TJP1: variants seen among roughly 807,000 people sequenced by gnomAD.
TJP1 encodes the protein tight junction protein 1, also known as tight junction protein ZO-1.
A neutral mutation model predicts 194.2 loss-of-function variants in TJP1; 43 were observed. The ratio of observed to expected loss-of-function variants is 0.22; its 90% CI spans 0.17 to 0.29. The LOEUF is 0.29. Among genes scored for constraint, TJP1 ranks in the 10% least tolerant of loss-of-function variants. The probability of loss-of-function intolerance (pLI) is 1.00; values close to 1 mark genes in which losing one functional copy is unlikely to be tolerated. For missense variants in TJP1, 1,971 were observed against 2,185.7 expected (o/e 0.90, Z 1.96); for synonymous variants, 801 against 779.0 (o/e 1.03, Z -0.47).
intron 16 of TJP1, among the ~76,000 whole-genome samples, chr15:29,727,494 C>T (rs1164245262): frequency 1.3e-5 from 2 of 152,214 alleles, no homozygotes; most frequent in Non-Finnish European, 2.9e-5. Context: ...TGTAAGTTAA[C>T]TCAATTCCAT....
intron 2 of TJP1, among the ~76,000 whole-genome samples, chr15:29,792,580 T>G (rs1424331861): frequency 6.6e-6 from 1 of 152,258 alleles, no homozygotes; most frequent in Non-Finnish European, 1.5e-5. Flanking sequence ...TCTGGGTCTT[T>G]GTGGTTCCAC....
chr15:29,718,755 A>G lies in TJP1; in HGVS notation c.3387T>C (p.Phe1129=), dbSNP rs762177027. 1.9e-6 allele frequency: 3 copies of G among 1,614,086 alleles called. No individual in the cohort carries two copies. The highest frequency in any genetic ancestry group is 2.2e-5 in the South Asian group (2 of 91,076). ...HPEESSERGY[F]PRFEEPAPLS... is the part of the protein sequence containing the mutation. ...GAGGGGCTGGCTCTTCAAAACGTGGAAAGTACCCTCGTTCTGAGGACTCTT... is the reference window on the plus strand; with the variant it reads ...GAGGGGCTGGCTCTTCAAAACGTGGGAAGTACCCTCGTTCTGAGGACTCTT... Residue 1129 remains phenylalanine (F), a synonymous_variant, in exon 21 of 28, where the codon TTT becomes TTC. Transcript: ENST00000614355.
intron 2 of TJP1, among the ~76,000 whole-genome samples, chr15:29,798,701 G>A (rs958477462): frequency 1.3e-5 from 2 of 152,146 alleles, no homozygotes; most frequent in Non-Finnish European, 2.9e-5. Context: ...AAAAAGTTAT[G>A]TTCATACAAA....
intron 10 of TJP1, among the ~76,000 whole-genome samples, chr15:29,740,018 C>T (rs369931820): frequency 6.0e-5 from 9 of 150,606 alleles, no homozygotes; most frequent in African/African-American, 1.7e-4. Flanking sequence ...GACGGAGTCT[C>T]GCTCTGTCAC....
chr15:29,904,506 G>A (rs903868518), intron 2 of TJP1, among the ~76,000 whole-genome samples: 1 of 150,802 alleles, frequency 6.6e-6, no homozygotes, highest in African/African-American at 2.4e-5. Context: ...CAGTAGTCAA[G>A]ATACATCATT....
intron 1 of TJP1, among the ~76,000 whole-genome samples, chr15:29,966,781 A>AT (rs2152327990): frequency 6.6e-6 from 1 of 152,320 alleles, no homozygotes; most frequent in South Asian, 2.1e-4. Flanking sequence ...TGTGTTAGTT[A>AT]TTGATAAGGG....
At chr15:29,719,350 G>A (rs555789333) in intron 20 of TJP1, among the ~76,000 whole-genome samples, 4 of 152,256 alleles carry the variant, frequency 2.6e-5, no homozygotes, top group African/African-American at 9.6e-5. Flanking sequence ...GTTTCAGCAT[G>A]TACTAAATAA....
At position 29,726,887 on chromosome 15, in the gene TJP1, T is replaced by A. The variant is rs1338605843; in HGVS notation, c.2205A>T (p.Gly735=). The change falls in exon 17 of 28, where the codon GGA becomes GGT. Residue 735 remains glycine (G), a synonymous_variant. Coordinates refer to ENST00000614355, the MANE Select transcript of TJP1 (RefSeq NM_001330239.4). The part of the protein sequence containing the change: ...VVFLNPDSKQ[G]VKTMRMRLCP... ...ATAACCTCATTCTCATTGTTTTTAC[T>A]CCTTGCTTAGAATCAGGGTTAAGAA... The A allele has an allele frequency of 1.2e-6, 2 of 1,614,208 alleles. No individual in the cohort carries two copies. Among genetic ancestry groups the A allele is most frequent in the Non-Finnish European group, 1.7e-6 (2 of 1,180,042 alleles).
At chr15:29,801,016 G>T (rs1349237367) in intron 1 of TJP1, among the ~76,000 whole-genome samples, 1 of 152,144 alleles carries the variant, frequency 6.6e-6, no homozygotes, top group African/African-American at 2.4e-5. Flanking sequence ...AGTTGGAGCG[G>T]TATTATCTTA....
At chr15:29,944,088 A>T (rs371823545) in intron 2 of TJP1, among the ~76,000 whole-genome samples, 10 of 141,988 alleles carry the variant, frequency 7.0e-5, no homozygotes, top group Admixed American at 4.2e-4. Flanking sequence ...TTATTTATTT[A>T]TTTATTTATT....
At chr15:29,836,544 A>G (rs1198485140) in intron 2 of TJP1, among the ~76,000 whole-genome samples, 1 of 152,078 alleles carries the variant, frequency 6.6e-6, no homozygotes, top group Non-Finnish European at 1.5e-5. Flanking sequence ...TACTGAGATT[A>G]CAGGCCTGAG....
rs972000672 is a variant in TJP1 at position 29,701,426 on chromosome 15, C to T, written c.*169G>A. The T allele has an allele frequency of 1.1e-5, 6 of 540,186 alleles. No homozygotes were observed. Among genetic ancestry groups the T allele is most frequent in the Middle Eastern group, 4.5e-4 (1 of 2,244 alleles). 33.5% of individuals were successfully genotyped at this position (540,186 alleles called of 1,614,324 possible). A position where few individuals can be genotyped will look rare whatever the true frequency, so the allele number is the denominator to read the frequency against. ...AACATGCAGTGTGTAGCATGTTTTC[C>T]GACCATGGTTCAGGGGCATGCTCAC... is the stretch of plus-strand genomic sequence containing the variant. On this transcript the variant is annotated 3_prime_UTR_variant, in exon 28 of 28. Transcript: ENST00000614355.
At chr15:29,757,503 T>G (rs1328661089) in intron 8 of TJP1, among the ~76,000 whole-genome samples, 2 of 152,222 alleles carry the variant, frequency 1.3e-5, no homozygotes, top group African/African-American at 4.8e-5. Context: ...TCTTATAATG[T>G]ATCTAAGTTG....
chr15:29,807,768 A>T, intron 1 of TJP1, among the ~76,000 whole-genome samples: 1 of 152,208 alleles, frequency 6.6e-6, no homozygotes, highest in Non-Finnish European at 1.5e-5. Context: ...TAAATCTAAT[A>T]TTTTAAAATA....
intron 17 of TJP1, 42 bp from the exon 18 acceptor site, chr15:29,726,521 G>A: frequency 6.4e-7 from 1 of 1,571,218 alleles, no homozygotes; most frequent in Non-Finnish European, 8.7e-7. Flanking sequence ...TTAGAGCACT[G>A]CCAAAAGTCA....
At chr15:29,702,400 T>C (rs1348939479) in intron 27 of TJP1, among the ~76,000 whole-genome samples, 1 of 152,210 alleles carries the variant, frequency 6.6e-6, no homozygotes. Context: ...TGGTGATTTC[T>C]ATTAGATGTG....
chr15:29,747,773 C>T (rs547376127), intron 8 of TJP1, among the ~76,000 whole-genome samples: 13 of 152,286 alleles, frequency 8.5e-5, no homozygotes, highest in African/African-American at 2.6e-4. Flanking sequence ...CAATGATAAA[C>T]GATAGGTCGT....
chr15:29,949,396 CACCTCCACAACCACCACCTCT>C (rs1426547576), intron 2 of TJP1, among the ~76,000 whole-genome samples: 341 of 137,868 alleles, frequency 2.5e-3, no homozygotes, highest in African/African-American at 5.8e-3. Context: ...CCACCACCAC[CACCTCCACAACCACCACCTCT>C]ACCTCCACAA....
intron 8 of TJP1, among the ~76,000 whole-genome samples, chr15:29,757,697 G>C (rs1003781088): frequency 1.3e-5 from 2 of 152,176 alleles, no homozygotes; most frequent in African/African-American, 2.4e-5. Context: ...AACCTGAAGA[G>C]ATTTTTCCTT....
Sources: gnomAD v4.1 joint callset for allele counts (sites outside exome capture counted in the v4.1 genomes callset) on GRCh38, gnomAD v4.1.1 for gene constraint, MANE v1.5 for transcripts, NCBI Gene and HGNC (gene_info 2026-07-23, HGNC 2026-07-21) for gene names.